The following FIG4 variants were observed in gnomAD, a reference collection of about 807,000 sequenced individuals.
FIG4 encodes the protein polyphosphoinositide phosphatase.
A neutral mutation model predicts 118.6 loss-of-function variants in FIG4; 112 were observed. The observed-to-expected ratio is 0.94, with a 90% CI of 0.81 to 1.11. The LOEUF (loss-of-function observed/expected upper bound fraction) is 1.11. Among genes scored for constraint, FIG4 ranks in the 50% least tolerant of loss-of-function variants. FIG4 has a pLI of 0.00. For synonymous variants in FIG4, 369 were observed against 381.2 expected (o/e 0.97, Z 0.37); for missense variants, 969 against 1,111.7 (o/e 0.87, Z 1.83).
intron 6 of FIG4, among the ~76,000 whole-genome samples, chr6:109,737,986 G>A (rs115216262): frequency 2.2e-4 from 34 of 152,222 alleles, no homozygotes; most frequent in African/African-American, 7.9e-4. Context: ...GTGCTCAACC[G>A]CTACTTCCTG....
At chr6:109,779,168 A>G (rs763936807) in intron 16 of FIG4, among the ~76,000 whole-genome samples, 4 of 152,152 alleles carry the variant, frequency 2.6e-5, no homozygotes, top group Non-Finnish European at 5.9e-5. Context: ...ACCTATATTT[A>G]TATTTATTGA....
In FIG4 at chr6:109,735,305, G is replaced by T. The variant is rs2128385685; in HGVS notation, c.646+7G>T. The T allele has an allele frequency of 6.2e-7, 1 of 1,610,776 alleles. No individual in the cohort carries two copies. Among genetic ancestry groups the T allele is most frequent in the African/African-American group, 1.3e-5 (1 of 74,896 alleles). On this transcript the variant is annotated splice_region_variant and intron_variant, in intron 6 of 22. Transcript: ENST00000230124. ...ATTACACAAGGTGGAAGCGGTAGGT[G>T]GTCTTGATATATCTAATGTATATTA...
At chr6:109,769,174 C>T (rs1028655113) in intron 15 of FIG4, among the ~76,000 whole-genome samples, 3 of 151,010 alleles carry the variant, frequency 2.0e-5, no homozygotes, top group Non-Finnish European at 4.4e-5. Flanking sequence ...TCAAACTCGG[C>T]TCACTGCAAA....
At position 109,723,679 on chromosome 6, in the gene FIG4, G is replaced by A. The variant is rs938719307; in HGVS notation, c.290-3430G>A. The stretch of plus-strand genomic sequence containing the variant: ...GCCATAGTTGATTGGTCCTGGGCTG[G>A]GCCCCTGACCCAAGTTGGGTCAGTC... On this transcript the variant is annotated intron_variant, in intron 3 of 22. Transcript: ENST00000230124. Among the ~76,000 whole-genome samples the A allele has an allele frequency of 3.0e-4, 46 of 152,246 alleles. 1 individual carries two copies. The highest frequency in any genetic ancestry group is 1.1e-3 in the African/African-American group (44 of 41,544).
intron 13 of FIG4, among the ~76,000 whole-genome samples, chr6:109,764,443 GAAAAAAA>G (rs71018365): frequency 2.3e-5 from 3 of 128,834 alleles, no homozygotes; most frequent in Admixed American, 2.3e-4. Flanking sequence ...GTCTCAGAAA[GAAAAAAA>G]AAAAAAAGAA....
At chr6:109,720,678 T>C (rs1775579690) in intron 3 of FIG4, among the ~76,000 whole-genome samples, 1 of 152,220 alleles carries the variant, frequency 6.6e-6, no homozygotes, top group Admixed American at 6.5e-5. Context: ...GCAATCTAAA[T>C]TGTTCTAAAG....
chr6:109,707,041 G>A (rs1775089856), intron 1 of FIG4, among the ~76,000 whole-genome samples: 2 of 151,936 alleles, frequency 1.3e-5, no homozygotes, highest in Admixed American at 6.6e-5. Flanking sequence ...CCAGTACATC[G>A]AATCCTGTCA....
At chr6:109,754,597 G>T (rs1008971793) in intron 10 of FIG4, among the ~76,000 whole-genome samples, 5 of 152,094 alleles carry the variant, frequency 3.3e-5, no homozygotes, top group Non-Finnish European at 5.9e-5. Flanking sequence ...GTAAGCTATT[G>T]ATTATTGCCA....
Position 109,791,747 on chromosome 6 carries a change from A to G in FIG4, c.2376+176A>G, listed in dbSNP as rs543809987. On this transcript the variant is annotated intron_variant, in intron 20 of 22. Transcript: ENST00000230124. Reference sequence around the variant, plus strand: ...ATTTACATGATTTTATTTCATTTCAAAATAAAATTGGTGTTTTTGCTCGCA... The same window carrying G: ...ATTTACATGATTTTATTTCATTTCAGAATAAAATTGGTGTTTTTGCTCGCA... Among the ~76,000 whole-genome samples, 55 of 152,354 alleles carry G rather than the reference A, an allele frequency of 3.6e-4. 1 individual carries two copies. Among genetic ancestry groups the G allele is most frequent in the Admixed American group, 3.2e-3 (49 of 15,306 alleles).
At chr6:109,763,785 C>G (rs957707357) in intron 12 of FIG4, 152 bp from the exon 13 acceptor site, 2 of 658,340 alleles carry the variant, frequency 3.0e-6, no homozygotes, top group Non-Finnish European at 2.8e-6. Flanking sequence ...GTTCACTTAC[C>G]TGAAAGAATG....
intron 5 of FIG4, among the ~76,000 whole-genome samples, chr6:109,734,177 G>A (rs963351955): frequency 6.6e-6 from 1 of 151,658 alleles, no homozygotes; most frequent in Admixed American, 6.6e-5. Context: ...AAAATAATGT[G>A]TGTGACTCTC....
At chr6:109,770,275 T>C (rs1777418570) in intron 15 of FIG4, among the ~76,000 whole-genome samples, 2 of 152,166 alleles carry the variant, frequency 1.3e-5, no homozygotes, top group African/African-American at 4.8e-5. Flanking sequence ...CTGGAGCTTG[T>C]TGAATTTAAA....
chr6:109,791,549 G>A lies in FIG4; in HGVS notation c.2354G>A (p.Gly785Glu). The A allele has an allele frequency of 6.2e-7, 1 of 1,613,968 alleles. No homozygotes were observed. Among genetic ancestry groups the A allele is most frequent in the Non-Finnish European group, 8.5e-7 (1 of 1,180,004 alleles). ...ACTCCCGTGAAGATGACTGATGCAG[G>A]AGACAGTGCCAAAGTGACCGAGGTG... ...RSTPVKMTDA[G>E]DSAKVTENVV... The change falls in exon 20 of 23, where the codon GGA becomes GAA. Residue 785 changes from glycine to glutamate, a missense_variant. By Grantham distance (98) the Gly-to-Glu change is moderately conservative. This residue lies in a region of FIG4 where 330 missense variants were observed against 348.1 expected (regional missense o/e 0.95). Transcript: ENST00000230124.
intron 7 of FIG4, 101 bp downstream of exon 7, chr6:109,738,554 G>C: frequency 8.8e-7 from 1 of 1,142,186 alleles, no homozygotes; most frequent in South Asian, 1.2e-5. Context: ...ATACCACTCT[G>C]TGCACCCCAA....
chr6:109,746,532 G>A (rs553429791), intron 10 of FIG4, among the ~76,000 whole-genome samples: 1 of 152,240 alleles, frequency 6.6e-6, no homozygotes, highest in African/African-American at 2.4e-5. Context: ...GTGGGTTGGA[G>A]GAAGAAAAGG....
intron 22 of FIG4, among the ~76,000 whole-genome samples, chr6:109,798,178 CT>C (rs1273301818): frequency 6.6e-6 from 1 of 151,980 alleles, no homozygotes; most frequent in Non-Finnish European, 1.5e-5. Context: ...CAGCAAAAGC[CT>C]TTTAGAGAGT....
intron 10 of FIG4, among the ~76,000 whole-genome samples, chr6:109,757,117 A>G (rs936344486): frequency 2.0e-5 from 3 of 152,118 alleles, no homozygotes; most frequent in African/African-American, 7.2e-5. Context: ...AGTCTGGCTA[A>G]CAGTCTATTT....
chr6:109,717,359 C>G (rs1261266312), intron 3 of FIG4, among the ~76,000 whole-genome samples: 1 of 152,272 alleles, frequency 6.6e-6, no homozygotes, highest in South Asian at 2.1e-4. Flanking sequence ...CCACCTTTCC[C>G]CCAATTCTGT....
chr6:109,693,992 A>C (rs1774632693), intron 1 of FIG4, among the ~76,000 whole-genome samples: 1 of 143,394 alleles, frequency 7.0e-6, no homozygotes, highest in South Asian at 2.2e-4. Flanking sequence ...GATAAATGCT[A>C]TGAATTAAAA....
Sources: allele counts gnomAD v4.1 joint callset (sites outside exome capture counted in the v4.1 genomes callset), GRCh38; gene constraint gnomAD v4.1.1; regional missense constraint gnomAD v4.1.1; transcripts MANE v1.5; gene names NCBI Gene and HGNC (gene_info 2026-07-23, HGNC 2026-07-21).